PRRC2B: variants seen among roughly 807,000 people sequenced by gnomAD.
PRRC2B encodes the protein proline rich coiled-coil 2B.
PRRC2B carries 68 observed loss-of-function variants against 242.3 expected under a neutral mutation model. The ratio of observed to expected loss-of-function variants is 0.28; its 90% CI spans 0.23 to 0.34. The LOEUF (loss-of-function observed/expected upper bound fraction) is 0.34, where lower values mean the gene tolerates loss of function less well. Ranked by LOEUF, PRRC2B falls within the 10% of genes least tolerant of loss-of-function variation. The probability of loss-of-function intolerance (pLI) is 1.00; values close to 1 mark genes in which losing one functional copy is unlikely to be tolerated. For synonymous variants in PRRC2B, 1,228 were observed against 1,173.6 expected (o/e 1.05, Z -0.95); for missense variants, 2,835 against 2,954.8 (o/e 0.96, Z 0.94).
At chr9:131,429,342 T>G (rs191077958) in intron 1 of PRRC2B, among the ~76,000 whole-genome samples, 81 of 152,334 alleles carry the variant, frequency 5.3e-4, no homozygotes, top group African/African-American at 1.8e-3. Flanking sequence ...CTGTAGCACA[T>G]TAGAAAGTGG....
In PRRC2B at chr9:131,482,742, G is replaced by A; in HGVS notation, c.5208G>A (p.Glu1736=). ...AACAAGGCTCTGGACAGAGCAAGGA[G>A]CACAGACCAGGACCCATCGGCAACG... ...DSEQGSGQSK[E]HRPGPIGNER... The change falls in exon 22 of 32, where the codon GAG becomes GAA. Residue 1736 remains glutamate (E), a synonymous_variant. Transcript: ENST00000683519. This position sits in a 1 kb window ranked among gnomAD's most constrained non-coding sequence, Gnocchi z 5.2. The A allele has an allele frequency of 6.2e-7, 1 of 1,607,876 alleles. No individual in the cohort carries two copies. The highest frequency in any genetic ancestry group is 8.5e-7 in the Non-Finnish European group (1 of 1,177,332).
chr9:131,478,024 GTTT>G, intron 17 of PRRC2B, 75 bp downstream of exon 17: 1 of 1,384,992 alleles, frequency 7.2e-7, no homozygotes, highest in Non-Finnish European at 1.0e-6. Flanking sequence ...GGCCTCCCGA[GTTT>G]GCCCTTGCAC....
chr9:131,412,107 T>A (rs9645007), intron 1 of PRRC2B, among the ~76,000 whole-genome samples: 2 of 152,084 alleles, frequency 1.3e-5, no homozygotes, highest in South Asian at 2.1e-4. Context: ...GTACCTGGCC[T>A]GAATTTTTCT....
intron 1 of PRRC2B, among the ~76,000 whole-genome samples, chr9:131,405,412 G>A (rs767297266): frequency 1.3e-5 from 2 of 152,176 alleles, no homozygotes; most frequent in Non-Finnish European, 2.9e-5. Context: ...TTTTCTCATA[G>A]CCCCGTCTTT....
At chr9:131,428,257 G>A (rs1838027122) in intron 1 of PRRC2B, among the ~76,000 whole-genome samples, 1 of 151,848 alleles carries the variant, frequency 6.6e-6, no homozygotes, top group African/African-American at 2.4e-5. Flanking sequence ...ATCTTGCTCT[G>A]TTGCTCGGGC....
chr9:131,467,570 A>G lies in PRRC2B; in HGVS notation c.1728A>G (p.Pro576=), dbSNP rs182112229. The change falls in exon 13 of 32, where the codon CCA becomes CCG. Residue 576 remains proline, a synonymous_variant. Transcript: ENST00000683519. ...TGCTGGTATATTCTCTAGGCTCCCCAGAATTCCCTGCCCAAGAGACCCCCA... is the reference window on the plus strand; with the variant it reads ...TGCTGGTATATTCTCTAGGCTCCCCGGAATTCCCTGCCCAAGAGACCCCCA... The part of the protein sequence containing the change: ...ENGPAVHKGS[P]EFPAQETPTT... The G allele has an allele frequency of 3.1e-4, 491 of 1,604,412 alleles. 3 individuals carry two copies. In the Admixed American group the frequency reaches 5.0e-3, roughly 16 times the overall value.
chr9:131,418,346 A>G (rs1837713178), intron 1 of PRRC2B, among the ~76,000 whole-genome samples: 1 of 152,372 alleles, frequency 6.6e-6, no homozygotes, highest in East Asian at 1.9e-4. Flanking sequence ...TTCATCCTCT[A>G]TAGGGAGTGT....
intron 25 of PRRC2B, chr9:131,485,619 G>C: frequency 1.9e-6 from 1 of 532,416 alleles, no homozygotes; most frequent in Non-Finnish European, 3.7e-6. Flanking sequence ...TCGTGTGCCA[G>C]TGTCCCCAAG....
At chr9:131,416,664 G>A (rs1462273922) in intron 1 of PRRC2B, among the ~76,000 whole-genome samples, 3 of 149,456 alleles carry the variant, frequency 2.0e-5, no homozygotes, top group South Asian at 2.1e-4. Context: ...ATTTAATCAT[G>A]TCCCCATAGT....
rs760957486 is a variant in PRRC2B at position 131,475,128 on chromosome 9, C to T, written c.2999C>T (p.Thr1000Ile). 6 of 1,612,612 alleles carry T rather than the reference C, an allele frequency of 3.7e-6. No homozygotes were observed. Among genetic ancestry groups the T allele is most frequent in the Non-Finnish European group, 5.1e-6 (6 of 1,179,326 alleles). Residue 1000 changes from threonine (T) to isoleucine (I), a missense_variant, in exon 16 of 32, where the codon ACC (threonine) becomes ATC (isoleucine). Thr to Ile is a moderately conservative substitution (Grantham distance 89, BLOSUM62 -1). Transcript: ENST00000683519. ...ENDASLANSS[T>I]TTLEDKGPGH... ...GATGCCTCTCTGGCCAACTCCTCCA[C>T]CACCACTTTGGAGGACAAAGGCCCT...
At position 131,455,297 on chromosome 9, in the gene PRRC2B, G is replaced by T; in HGVS notation, c.1211+131G>T. ...ATGCTGTTTCCACTTTGTTTTGAGG[G>T]TGACAGCTATTGATGATGGCTGTGA... On this transcript the variant is annotated intron_variant, in intron 10 of 31. Coordinates refer to ENST00000683519, the MANE Select transcript of PRRC2B (RefSeq NM_013318.4). 6 of 668,644 alleles carry T rather than the reference G, an allele frequency of 9.0e-6. No individual in the cohort carries two copies. In the South Asian group the frequency reaches 1.1e-4, roughly 13 times the overall value. The allele number at this position is 668,644 out of a possible 1,614,324, so 41.4% of individuals were successfully genotyped here.
Position 131,496,744 on chromosome 9 carries a change from G to A in PRRC2B, c.*870G>A, listed in dbSNP as rs1379984661. 2.0e-5 allele frequency: 3 copies of A among 152,178 alleles called. No individual in the cohort carries two copies. In the East Asian group the frequency reaches 5.8e-4, roughly 29 times the overall value. 9.4% of individuals were successfully genotyped at this position (152,178 alleles called of 1,614,324 possible). ...AGAATCACACAGGGTCCCTGTCCTG[G>A]GCTCCTCTAAAGCCAGTGGATGTGC... is the stretch of plus-strand genomic sequence containing the variant. On this transcript the variant is annotated 3_prime_UTR_variant, in exon 32 of 32. Transcript: ENST00000683519.
intron 18 of PRRC2B, among the ~76,000 whole-genome samples, chr9:131,478,831 T>C (rs1456845456): frequency 1.3e-5 from 2 of 152,174 alleles, no homozygotes; most frequent in African/African-American, 2.4e-5. Context: ...ATCACTGTTA[T>C]GCAGTGGAAG....
At chr9:131,451,709 C>G (rs1942925403) in intron 9 of PRRC2B, among the ~76,000 whole-genome samples, 1 of 152,066 alleles carries the variant, frequency 6.6e-6, no homozygotes, top group South Asian at 2.1e-4. Flanking sequence ...TTCAGAGATG[C>G]TGTTTATCAG....
intron 1 of PRRC2B, among the ~76,000 whole-genome samples, chr9:131,420,454 T>TTCTTTCTTTCGTTCGTTCG (rs1837778374): frequency 1.2e-4 from 1 of 8,024 alleles, no homozygotes; most frequent in Non-Finnish European, 7.0e-4. Context: ...TCTTTTTCTT[T>TTCTTTCTTTCGTTCGTTCG]TTCTTTCTTT....
At chr9:131,493,650 A>G (rs1944254469) in intron 30 of PRRC2B, among the ~76,000 whole-genome samples, 1 of 152,224 alleles carries the variant, frequency 6.6e-6, no homozygotes, top group African/African-American at 2.4e-5. Context: ...GGTTGGGGAA[A>G]TTGCTATAAT....
intron 11 of PRRC2B, among the ~76,000 whole-genome samples, chr9:131,460,415 C>T (rs917413497): frequency 6.6e-6 from 1 of 152,118 alleles, no homozygotes; most frequent in African/African-American, 2.4e-5. Context: ...TGAAGAAGTC[C>T]ACAGTTTCCA....
intron 20 of PRRC2B, 61 bp downstream of exon 20, chr9:131,481,869 A>C: frequency 2.1e-6 from 3 of 1,427,914 alleles, no homozygotes; most frequent in Non-Finnish European, 1.9e-6. Context: ...TGTGCTCACC[A>C]TCCACACGGC....
At chr9:131,398,208 T>C (rs1837121744) in intron 1 of PRRC2B, among the ~76,000 whole-genome samples, 1 of 152,228 alleles carries the variant, frequency 6.6e-6, no homozygotes, top group South Asian at 2.1e-4. Context: ...ATTGGCGATA[T>C]TACTGTTTAT....
Sources: gnomAD v4.1 joint callset for allele counts (sites outside exome capture counted in the v4.1 genomes callset) on GRCh38, gnomAD v4.1.1 for gene constraint, Gnocchi (gnomAD v3.1) non-coding constraint, MANE v1.5 for transcripts, NCBI Gene and HGNC (gene_info 2026-07-23, HGNC 2026-07-21) for gene names.